TRHDE: variants seen among roughly 807,000 people sequenced by gnomAD.
The protein encoded by TRHDE is thyrotropin releasing hormone degrading enzyme.
TRHDE carries 72 observed loss-of-function variants against 125.7 expected under a neutral mutation model. The observed-to-expected ratio is 0.57, with a 90% CI of 0.47 to 0.70. The LOEUF is 0.70. TRHDE is among the 30% of genes least tolerant of loss of function. The pLI, the probability that TRHDE is intolerant of heterozygous loss-of-function variation, is 0.00. For synonymous variants in TRHDE, 509 were observed against 509.1 expected (o/e 1.00, Z 0.00); for missense variants, 1,110 against 1,327.1 (o/e 0.84, Z 2.54).
chr12:72,462,998 A>C (rs1876199037), intron 3 of TRHDE, among the ~76,000 whole-genome samples: 1 of 152,196 alleles, frequency 6.6e-6, no homozygotes, highest in Non-Finnish European at 1.5e-5. Context: ...TACAAGGAAA[A>C]CCAGAAAGAA....
In TRHDE at chr12:72,286,952, G is replaced by A. The variant is rs1401270036; in HGVS notation, c.1186G>A (p.Val396Ile). 1 of 1,612,498 alleles carries A rather than the reference G, an allele frequency of 6.2e-7. No homozygotes were observed. Among genetic ancestry groups the A allele is most frequent in the East Asian group, 2.2e-5 (1 of 44,850 alleles). ...AGAAACTACCACCAAGAGTGGGGTTGTAGTAAGTATTTTCAGCTTAATGAT... is the reference window on the plus strand; with the variant it reads ...AGAAACTACCACCAAGAGTGGGGTTATAGTAAGTATTTTCAGCTTAATGAT... ...YRETTTKSGV[V>I]VRLYARPDAI... Residue 396 changes from valine to isoleucine, a missense_variant and splice_region_variant, in exon 2 of 19, where the codon GTA becomes ATA. Transcript: ENST00000261180.
chr12:72,102,174 G>A (rs1875083427), intron 1 of TRHDE, among the ~76,000 whole-genome samples: 1 of 152,128 alleles, frequency 6.6e-6, no homozygotes, highest in South Asian at 2.1e-4. Flanking sequence ...ATCTGGACAA[G>A]CTAAATTCAC....
intron 6 of TRHDE, among the ~76,000 whole-genome samples, chr12:72,513,472 G>A (rs776610540): frequency 6.6e-6 from 1 of 152,070 alleles, no homozygotes; most frequent in Non-Finnish European, 1.5e-5. Context: ...GGGAGGCTAA[G>A]GACCATTTGA....
At chr12:72,471,885 T>C (rs1003780255) in intron 4 of TRHDE, among the ~76,000 whole-genome samples, 2 of 152,112 alleles carry the variant, frequency 1.3e-5, no homozygotes. Context: ...GACTCTTTCA[T>C]GCTTTCCTCC....
chr12:72,574,069 CCTGAGAAATGAATGGT>C (rs1870876366), intron 10 of TRHDE, among the ~76,000 whole-genome samples: 1 of 151,996 alleles, frequency 6.6e-6, no homozygotes, highest in South Asian at 2.1e-4. Context: ...TCATTCCAGA[CCTGAGAAATGAATGGT>C]CATTTATGTC....
At chr12:72,277,756 C>T (rs1442646902) in intron 1 of TRHDE, among the ~76,000 whole-genome samples, 1 of 152,050 alleles carries the variant, frequency 6.6e-6, no homozygotes, top group Non-Finnish European at 1.5e-5. Flanking sequence ...GTTTGTCTTT[C>T]TGTGTTTCCT....
rs115167771 is a variant in TRHDE at position 72,538,935 on chromosome 12, A to G, written c.1723-3356A>G. 4.7e-3 allele frequency among the ~76,000 whole-genome samples: 717 copies of G among 151,986 alleles called. 5 individuals are homozygous for G. Among genetic ancestry groups the G allele is most frequent in the Middle Eastern group, 0.014 (4 of 294 alleles). On this transcript the variant is annotated intron_variant, in intron 6 of 18. Coordinates refer to ENST00000261180, the MANE Select transcript of TRHDE (RefSeq NM_013381.3). Reference sequence around the variant, plus strand: ...TCAAAGTCCTCTAAAAACTGTCTCAATCTTATTTTCCATCTAATCTTCCAT... The same window carrying G: ...TCAAAGTCCTCTAAAAACTGTCTCAGTCTTATTTTCCATCTAATCTTCCAT...
At chr12:72,608,726 C>T (rs879940925) in intron 12 of TRHDE, among the ~76,000 whole-genome samples, 2 of 152,146 alleles carry the variant, frequency 1.3e-5, no homozygotes, top group Admixed American at 1.3e-4. Flanking sequence ...TTATGCTTTT[C>T]TCATAAGGCC....
chr12:72,259,387 T>A (rs939469137), intron 2 of TRHDE, among the ~76,000 whole-genome samples: 1 of 152,124 alleles, frequency 6.6e-6, no homozygotes, highest in African/African-American at 2.4e-5. Context: ...CTTTCTTACC[T>A]TCTGGCCCAA....
chr12:72,633,716 G>A lies in TRHDE; in HGVS notation c.2675+11965G>A, dbSNP rs1333373306. ...GATTTCTAGAAACCATATTCTTCCT[G>A]GTTGCCAGGGTTTTTATGAATTTAG... On this transcript the variant is annotated intron_variant, in intron 15 of 18. Coordinates refer to ENST00000261180, the MANE Select transcript of TRHDE (RefSeq NM_013381.3). 2.0e-5 allele frequency among the ~76,000 whole-genome samples: 3 copies of A among 151,988 alleles called. No homozygotes were observed. In the East Asian group the frequency reaches 5.8e-4, roughly 29 times the overall value.
At chr12:72,635,718 T>C (rs1487138679) in intron 15 of TRHDE, among the ~76,000 whole-genome samples, 1 of 150,942 alleles carries the variant, frequency 6.6e-6, no homozygotes, top group Non-Finnish European at 1.5e-5. Context: ...GCTTTCTACA[T>C]ATGGCTAGCC....
rs1878974609 is a variant in TRHDE at position 72,518,113 on chromosome 12, T to C, written c.1722+18478T>C. Among the ~76,000 whole-genome samples the C allele has an allele frequency of 1.3e-5, 2 of 150,754 alleles. 1 individual carries two copies. The highest frequency in any genetic ancestry group is 4.9e-5 in the African/African-American group (2 of 40,446). ...GTGTGGTGTGGTGCTGAAAAAAATG[T>C]ATATTCTGTTGATTTGGGGTGGAGA... On this transcript the variant is annotated intron_variant, in intron 6 of 18. Coordinates refer to ENST00000261180, the MANE Select transcript of TRHDE (RefSeq NM_013381.3).
At chr12:72,101,621 A>G (rs1039127023) in intron 1 of TRHDE, among the ~76,000 whole-genome samples, 1 of 152,200 alleles carries the variant, frequency 6.6e-6, no homozygotes, top group African/African-American at 2.4e-5. Flanking sequence ...TTTTCCTGGC[A>G]TTGCATTCGA....
intron 2 of TRHDE, among the ~76,000 whole-genome samples, chr12:72,149,260 G>C (rs142591697): frequency 0.03 from 4,577 of 152,140 alleles, 119 homozygotes; most frequent in African/African-American, 0.068. Flanking sequence ...TGCGTACTAA[G>C]TAAGAAAACT....
chr12:72,428,861 T>C (rs1565737594), intron 3 of TRHDE, among the ~76,000 whole-genome samples: 1 of 152,072 alleles, frequency 6.6e-6, no homozygotes, highest in Non-Finnish European at 1.5e-5. Context: ...CAATATGTGG[T>C]TTTGGTGGCT....
At chr12:72,513,230 A>G (rs1207212850) in intron 6 of TRHDE, among the ~76,000 whole-genome samples, 1 of 152,112 alleles carries the variant, frequency 6.6e-6, no homozygotes, top group African/African-American at 2.4e-5. Context: ...AATATTTAAG[A>G]ATTCAGGGCT....
intron 3 of TRHDE, among the ~76,000 whole-genome samples, chr12:72,401,701 C>A (rs999157191): frequency 6.6e-6 from 1 of 152,088 alleles, no homozygotes; most frequent in African/African-American, 2.4e-5. Context: ...GGGAACTTAA[C>A]AGAGTGATCC....
intron 2 of TRHDE, among the ~76,000 whole-genome samples, chr12:72,229,656 A>G (rs147053763): frequency 1.2e-3 from 190 of 152,358 alleles, no homozygotes; most frequent in Non-Finnish European, 2.3e-3. Flanking sequence ...GGACTTTACT[A>G]AAATCATTTG....
intron 1 of TRHDE, among the ~76,000 whole-genome samples, chr12:72,089,865 C>T (rs1874751284): frequency 6.6e-6 from 1 of 152,120 alleles, no homozygotes; most frequent in African/African-American, 2.4e-5. Flanking sequence ...CACTAAGAAC[C>T]TAGTATGGTG....
Sources: gnomAD v4.1 joint callset for allele counts (sites outside exome capture counted in the v4.1 genomes callset) on GRCh38, gnomAD v4.1.1 for gene constraint, MANE v1.5 for transcripts, NCBI Gene and HGNC (gene_info 2026-07-23, HGNC 2026-07-21) for gene names.